NSG1: variants seen among roughly 807,000 people sequenced by gnomAD.
The protein encoded by NSG1 is neuronal vesicle trafficking-associated protein 1.
NSG1 carries 9 observed loss-of-function variants against 19.3 expected under a neutral mutation model. The ratio of observed to expected loss-of-function variants is 0.47; its 90% CI spans 0.28 to 0.81. NSG1 has a LOEUF of 0.81. Among genes scored for constraint, NSG1 ranks in the 40% least tolerant of loss-of-function variants. NSG1 has a pLI of 0.11. For missense variants in NSG1, 236 were observed against 242.4 expected, an observed-to-expected ratio of 0.97 and a Z score of 0.18; for synonymous variants, 104 against 107.0, an observed-to-expected ratio of 0.97 and a Z score of 0.17.
At chr4:4,396,043 C>A (rs973388035) in intron 3 of NSG1, among the ~76,000 whole-genome samples, 1 of 152,190 alleles carries the variant, frequency 6.6e-6, no homozygotes, top group African/African-American at 2.4e-5. Flanking sequence ...CAGGAGGACT[C>A]CCCCAGCGGC....
In NSG1 at chr4:4,417,790, C is replaced by T. The variant is rs1724662268; in HGVS notation, c.*355C>T. The T allele has an allele frequency of 2.9e-6, 1 of 341,974 alleles. No individual in the cohort carries two copies. Among genetic ancestry groups the T allele is most frequent in the East Asian group, 8.1e-5 (1 of 12,362 alleles). 21.2% of individuals were successfully genotyped at this position (341,974 alleles called of 1,614,324 possible). On this transcript the variant is annotated 3_prime_UTR_variant, in exon 5 of 5. Transcript: ENST00000621129. ...TTGTGGAATTGATTTTCTGAACCGA[C>T]CCTGCTGTCTGCAAACCTTCCTCCA...
intron 4 of NSG1, chr4:4,415,899 C>T (rs1560149467): frequency 8.9e-6 from 5 of 564,206 alleles, no homozygotes; most frequent in Admixed American, 3.1e-5. Context: ...GCCTGCAGAG[C>T]CTCCTTCCTG....
chr4:4,408,721 A>T (rs1723998337), intron 3 of NSG1, among the ~76,000 whole-genome samples: 1 of 151,392 alleles, frequency 6.6e-6, no homozygotes, highest in African/African-American at 2.5e-5. Context: ...CGGCATCCCA[A>T]AGTGCTGGGA....
At chr4:4,411,810 ATC>A (rs1724219800) in intron 4 of NSG1, among the ~76,000 whole-genome samples, 1 of 127,024 alleles carries the variant, frequency 7.9e-6, no homozygotes, top group Non-Finnish European at 1.6e-5. Flanking sequence ...TTCTTCCAGA[ATC>A]TCTCTTGGAG....
At position 4,418,487 on chromosome 4, in the gene NSG1, A is replaced by AATCT. The variant is rs2108762004; in HGVS notation, c.*1053_*1056dup. 6.5e-6 allele frequency: 1 copy of AATCT among 152,778 alleles called. No individual in the cohort carries two copies. Among genetic ancestry groups the AATCT allele is most frequent in the Non-Finnish European group, 1.5e-5 (1 of 68,050 alleles). 9.5% of individuals were successfully genotyped at this position (152,778 alleles called of 1,614,324 possible). ...AACAAAATGACAAATTTCAACTCACAATCTTTGTAAGAAAATTGTTCCAGT... is the reference window on the plus strand; with the variant it reads ...AACAAAATGACAAATTTCAACTCACAATCTATCTTTGTAAGAAAATTGTTCCAGT... On this transcript the variant is annotated 3_prime_UTR_variant, in exon 5 of 5. Coordinates refer to ENST00000621129, the MANE Select transcript of NSG1 (RefSeq NM_014392.5).
At chr4:4,413,223 C>T (rs1724314811) in intron 4 of NSG1, among the ~76,000 whole-genome samples, 1 of 151,896 alleles carries the variant, frequency 6.6e-6, no homozygotes, top group African/African-American at 2.4e-5. Flanking sequence ...AATGTGAAGG[C>T]TATAGACAGA....
intron 3 of NSG1, among the ~76,000 whole-genome samples, chr4:4,402,047 A>AT (rs35299425): frequency 0.078 from 9,568 of 122,170 alleles, 719 homozygotes; most frequent in African/African-American, 0.21. Flanking sequence ...TGCCCAGCTA[A>AT]TTTTTTTTTT....
chr4:4,403,443 G>T (rs1365686299), intron 3 of NSG1, among the ~76,000 whole-genome samples: 4 of 152,146 alleles, frequency 2.6e-5, no homozygotes, highest in Admixed American at 2.6e-4. Context: ...ATCCTGTAGC[G>T]CAATGTCTTC....
chr4:4,395,208 G>A (rs1723191454), intron 3 of NSG1, among the ~76,000 whole-genome samples: 1 of 152,222 alleles, frequency 6.6e-6, no homozygotes, highest in Admixed American at 6.5e-5. Context: ...CCAAAGTGCT[G>A]CTTCCCCAGG....
At chr4:4,389,420 TG>T (rs1177404357) in intron 2 of NSG1, among the ~76,000 whole-genome samples, 1 of 152,136 alleles carries the variant, frequency 6.6e-6, no homozygotes, top group Non-Finnish European at 1.5e-5. Context: ...GGACTGAGTG[TG>T]GGTACAAGGG....
chr4:4,390,271 C>T (rs1284103009), intron 2 of NSG1, among the ~76,000 whole-genome samples: 1 of 152,196 alleles, frequency 6.6e-6, no homozygotes. Flanking sequence ...GCACCCCTCC[C>T]TCTCCACCGC....
intron 2 of NSG1, among the ~76,000 whole-genome samples, chr4:4,391,235 A>C (rs1722972889): frequency 1.3e-5 from 2 of 152,202 alleles, no homozygotes; most frequent in South Asian, 4.1e-4. Context: ...CAATGAGCTT[A>C]ACTTCTGTGC....
intron 3 of NSG1, among the ~76,000 whole-genome samples, chr4:4,397,121 C>T (rs1031018436): frequency 6.7e-6 from 1 of 149,190 alleles, no homozygotes; most frequent in Non-Finnish European, 1.5e-5. Context: ...TTGAAGATGT[C>T]GGGATTCATC....
At chr4:4,388,847 G>A (rs1722865035) in intron 2 of NSG1, among the ~76,000 whole-genome samples, 1 of 152,210 alleles carries the variant, frequency 6.6e-6, no homozygotes, top group Non-Finnish European at 1.5e-5. Context: ...GGAAGAGGCT[G>A]GCAGCGGGGG....
intron 3 of NSG1, among the ~76,000 whole-genome samples, chr4:4,402,367 G>A (rs1313566236): frequency 8.3e-5 from 10 of 120,890 alleles, no homozygotes; most frequent in African/African-American, 3.4e-4. Flanking sequence ...CACCACGCCT[G>A]GTTATTTTTT....
chr4:4,394,802 C>T (rs1205422018), intron 3 of NSG1, among the ~76,000 whole-genome samples: 1 of 152,204 alleles, frequency 6.6e-6, no homozygotes, highest in Non-Finnish European at 1.5e-5. Context: ...GCGAGATTTC[C>T]TGGGTCTGCC....
At chr4:4,403,433 A>G (rs1723677139) in intron 3 of NSG1, among the ~76,000 whole-genome samples, 1 of 152,036 alleles carries the variant, frequency 6.6e-6, no homozygotes, top group Admixed American at 6.5e-5. Context: ...CCGCCGTCAT[A>G]TCCTGTAGCG....
At chr4:4,391,443 T>C in intron 2 of NSG1, 32 bp from the exon 3 acceptor site, 1 of 1,501,734 alleles carries the variant, frequency 6.7e-7, no homozygotes, top group Non-Finnish European at 9.2e-7. Flanking sequence ...TCTGAATGCA[T>C]CTGACTTTTG....
At chr4:4,416,798 C>T (rs1238708620) in intron 4 of NSG1, among the ~76,000 whole-genome samples, 4 of 152,316 alleles carry the variant, frequency 2.6e-5, no homozygotes, top group East Asian at 1.9e-4. Context: ...TTGAGTGCTG[C>T]CCCTCCCTCA....
Sources: gnomAD v4.1 joint callset for allele counts (sites outside exome capture counted in the v4.1 genomes callset) on GRCh38, gnomAD v4.1.1 for gene constraint, MANE v1.5 for transcripts, NCBI Gene and HGNC (gene_info 2026-07-23, HGNC 2026-07-21) for gene names.